Variants in INTS7 observed in about 807,000 individuals in gnomAD.
INTS7 encodes the protein integrator complex subunit 7, also known as chromosome 1 open reading frame 73.
INTS7 carries 46 observed loss-of-function variants against 109.2 expected under a neutral mutation model. The observed-to-expected ratio is 0.42, with a 90% CI of 0.33 to 0.54. The LOEUF (loss-of-function observed/expected upper bound fraction) is 0.54. Ranked by LOEUF, INTS7 falls within the 20% of genes least tolerant of loss-of-function variation. INTS7 has a pLI of 0.07. For synonymous variants in INTS7, 412 were observed against 402.9 expected (o/e 1.02, Z -0.27); for missense variants, 929 against 1,132.4 (o/e 0.82, Z 2.58).
chr1:211,982,643 T>G (rs1378137425), intron 9 of INTS7, 33 bp downstream of exon 9: 16 of 1,522,570 alleles, frequency 1.1e-5, no homozygotes, highest in Admixed American at 2.1e-5. Context: ...TAAACCAAAG[T>G]TTATACGTAA....
At chr1:212,021,240 G>A in intron 1 of INTS7, 28 bp from the exon 2 acceptor site, 1 of 1,577,282 alleles carries the variant, frequency 6.3e-7, no homozygotes, top group Admixed American at 2.0e-5. Flanking sequence ...CACAGAGAGG[G>A]AAGAACAGTT....
chr1:212,017,819 A>C (rs1666506859), intron 3 of INTS7, among the ~76,000 whole-genome samples: 1 of 152,224 alleles, frequency 6.6e-6, no homozygotes, highest in South Asian at 2.1e-4. Context: ...AATTACACTC[A>C]AAGTAGTACT....
At chr1:212,026,637 A>AAGAG (rs1666932652) in intron 1 of INTS7, among the ~76,000 whole-genome samples, 1 of 152,216 alleles carries the variant, frequency 6.6e-6, no homozygotes, top group Admixed American at 6.5e-5. Context: ...GAGAAGGGGA[A>AAGAG]AGACATAGCT....
At position 211,946,591 on chromosome 1, in the gene INTS7, A is replaced by G. The variant is rs1442043429; in HGVS notation, c.2415+16T>C. ...TTTTAAAACCTATATTAACCTTAGT[A>G]TTCTTCCTGTATTACCTTGATGCTG... is the stretch of plus-strand genomic sequence containing the variant. On this transcript the variant is annotated intron_variant, in intron 18 of 19. Transcript: ENST00000366994. The surrounding 1 kb of genome is among the most constrained non-coding windows in gnomAD (Gnocchi z 4.3). 1.2e-5 allele frequency: 17 copies of G among 1,459,314 alleles called. No homozygotes were observed. Among genetic ancestry groups the G allele is most frequent in the Non-Finnish European group, 1.4e-5 (15 of 1,039,840 alleles). 90.4% of individuals were successfully genotyped at this position (1,459,314 alleles called of 1,614,324 possible). A position where few individuals can be genotyped will look rare whatever the true frequency, so the allele number is the denominator to read the frequency against.
intron 16 of INTS7, among the ~76,000 whole-genome samples, chr1:211,953,303 T>C (rs1254520639): frequency 6.6e-6 from 1 of 152,208 alleles, no homozygotes; most frequent in Non-Finnish European, 1.5e-5. Context: ...TAGATTTCTT[T>C]CTTTTTCCTC....
chr1:212,024,626 T>C (rs1666843715), intron 1 of INTS7, among the ~76,000 whole-genome samples: 1 of 152,330 alleles, frequency 6.6e-6, no homozygotes, highest in African/African-American at 2.4e-5. Context: ...GTTAATCAAC[T>C]AGTGGATGAA....
rs1347128969 is a variant in INTS7 at position 211,976,725 on chromosome 1, A to G, written c.1471-6T>C. On this transcript the variant is annotated splice_polypyrimidine_tract_variant and splice_region_variant and intron_variant, in intron 11 of 19. Coordinates refer to ENST00000366994, the MANE Select transcript of INTS7 (RefSeq NM_015434.4). ...ATCACAGTAGCCAAACTCACCTAACATTGGGCAAGAAGAAAACCAAGAAAA... is the reference window on the plus strand; with the variant it reads ...ATCACAGTAGCCAAACTCACCTAACGTTGGGCAAGAAGAAAACCAAGAAAA... 1.2e-6 allele frequency: 2 copies of G among 1,613,780 alleles called. No individual in the cohort carries two copies. Among genetic ancestry groups the G allele is most frequent in the Non-Finnish European group, 1.7e-6 (2 of 1,179,704 alleles).
chr1:212,014,465 CAA>C (rs1165612101), intron 4 of INTS7, among the ~76,000 whole-genome samples: 2 of 28,120 alleles, frequency 7.1e-5, no homozygotes, highest in African/African-American at 2.7e-4. Context: ...AACTCCATCT[CAA>C]AAAAAAAAAA....
Position 211,967,957 on chromosome 1 carries a change from G to A in INTS7, c.2035C>T (p.Arg679Ter), listed in dbSNP as rs372634693. Residue 679 changes from arginine (R) to a stop codon, truncating the protein, a stop_gained, in exon 15 of 20, where the codon CGA becomes TGA. Transcript: ENST00000366994. LOFTEE classifies it high-confidence loss of function. The stretch of plus-strand genomic sequence containing the variant: ...TCTCCATATCGAGAAGCAAGGCTTC[G>A]AAATTCTTCCATGGACTGTTTCATC... ...NQMKQSMEEF[R>*]SLASRYGDLY... is the part of the protein sequence containing the mutation. The A allele has an allele frequency of 6.3e-7, 1 of 1,599,276 alleles. No homozygotes were observed. Among genetic ancestry groups the A allele is most frequent in the Non-Finnish European group, 8.5e-7 (1 of 1,170,714 alleles).
intron 4 of INTS7, among the ~76,000 whole-genome samples, chr1:212,014,309 A>G (rs1039054764): frequency 6.6e-6 from 1 of 151,894 alleles, no homozygotes; most frequent in African/African-American, 2.4e-5. Flanking sequence ...TACTAAAAAT[A>G]CAAAAATTAG....
intron 13 of INTS7, among the ~76,000 whole-genome samples, chr1:211,969,371 A>G (rs761059510): frequency 2.6e-5 from 4 of 151,498 alleles, no homozygotes; most frequent in Non-Finnish European, 5.9e-5. Flanking sequence ...TTACTTTGCT[A>G]CCTTCCTAAT....
rs369211445 is a variant in INTS7 at position 212,013,320 on chromosome 1, T to C, written c.510-1899A>G. 1.3e-3 allele frequency among the ~76,000 whole-genome samples: 205 copies of C among 152,326 alleles called. 4 individuals carry two copies. The South Asian group carries it at 0.042, about 31-fold the overall frequency. On this transcript the variant is annotated intron_variant, in intron 4 of 19. Coordinates refer to ENST00000366994, the MANE Select transcript of INTS7 (RefSeq NM_015434.4). ...ACAGGTGTGAGACACTGTGCCCAGC[T>C]ATGTCTTAATTTTAACAAAAAAAGC...
intron 5 of INTS7, among the ~76,000 whole-genome samples, chr1:212,008,022 A>G (rs994376335): frequency 6.6e-6 from 1 of 152,154 alleles, no homozygotes; most frequent in South Asian, 2.1e-4. Context: ...TCTTTTCTCT[A>G]TGGCATGGCT....
At chr1:211,968,361 T>A (rs1664006059) in intron 14 of INTS7, 152 bp downstream of exon 14, 2 of 621,918 alleles carry the variant, frequency 3.2e-6, no homozygotes, top group African/African-American at 3.7e-5. Flanking sequence ...TAATAACACA[T>A]CAGCCTATTT....
At position 212,007,351 on chromosome 1, in the gene INTS7, G is replaced by T. The variant is rs1384004806; in HGVS notation, c.655C>A (p.Gln219Lys). Reference sequence around the variant, plus strand: ...GACGGATAGGATGTGACCAGCTGTTGTAAAAGCTGACGAGCACTGGAAGCC... The same window carrying T: ...GACGGATAGGATGTGACCAGCTGTTTTAAAAGCTGACGAGCACTGGAAGCC... ...ILASSARQLL[Q>K]QLVTSYPSTK... is the part of the protein sequence containing the mutation. Residue 219 changes from glutamine (Q) to lysine (K), a missense_variant, in exon 6 of 20, where the codon CAA (glutamine) becomes AAA (lysine). Transcript: ENST00000366994. The T allele has an allele frequency of 1.2e-6, 2 of 1,613,620 alleles. No homozygotes were observed. Among genetic ancestry groups the T allele is most frequent in the East Asian group, 2.2e-5 (1 of 44,888 alleles).
At chr1:211,980,677 A>T (rs1664623759) in intron 10 of INTS7, among the ~76,000 whole-genome samples, 1 of 152,066 alleles carries the variant, frequency 6.6e-6, no homozygotes, top group African/African-American at 2.4e-5. Flanking sequence ...GGCTCATGCA[A>T]TCCTTCCACC....
At chr1:211,987,207 G>C (rs921165531) in intron 8 of INTS7, among the ~76,000 whole-genome samples, 1 of 151,950 alleles carries the variant, frequency 6.6e-6, no homozygotes, top group Non-Finnish European at 1.5e-5. Context: ...TGAGGCAAGA[G>C]AATTTCTTGA....
At chr1:211,967,103 T>C (rs371473657) in intron 15 of INTS7, among the ~76,000 whole-genome samples, 1 of 152,142 alleles carries the variant, frequency 6.6e-6, no homozygotes, top group Non-Finnish European at 1.5e-5. Context: ...GAATTTCTAT[T>C]CCTTCCTTTC....
chr1:212,007,600 T>C (rs1397975904), intron 5 of INTS7, 151 bp from the exon 6 acceptor site: 12 of 577,264 alleles, frequency 2.1e-5, no homozygotes, highest in African/African-American at 2.1e-4. Flanking sequence ...TAGAACCAAT[T>C]GATAAATTCA....
Sources: gnomAD v4.1 joint callset for allele counts (sites outside exome capture counted in the v4.1 genomes callset) on GRCh38, gnomAD v4.1.1 for gene constraint, Gnocchi (gnomAD v3.1) non-coding constraint, MANE v1.5 for transcripts, NCBI Gene and HGNC (gene_info 2026-07-23, HGNC 2026-07-21) for gene names.